Variants in CATSPERG observed in about 807,000 individuals in gnomAD.
CATSPERG encodes the protein catsper channel auxiliary subunit gamma, also known as cation channel sperm-associated auxiliary subunit gamma.
A neutral mutation model predicts 145.0 loss-of-function variants in CATSPERG; 115 were observed. That is an observed-to-expected ratio of 0.79 (90% CI 0.68 to 0.93). The LOEUF (loss-of-function observed/expected upper bound fraction) is 0.93, where lower values mean the gene tolerates loss of function less well. Ranked by LOEUF, CATSPERG falls within the 40% of genes least tolerant of loss-of-function variation. The probability of loss-of-function intolerance (pLI) is 0.00; values close to 1 mark genes in which losing one functional copy is unlikely to be tolerated. For synonymous variants in CATSPERG, 588 were observed against 589.0 expected, an observed-to-expected ratio of 1.00 and a Z score of 0.02; for missense variants, 1,296 against 1,490.1, an observed-to-expected ratio of 0.87 and a Z score of 2.14.
chr19:38,339,731 G>A (rs1447301684), intron 3 of CATSPERG, among the ~76,000 whole-genome samples: 2 of 152,086 alleles, frequency 1.3e-5, no homozygotes, highest in African/African-American at 4.8e-5. Flanking sequence ...TTTTCTTCAA[G>A]AGATTTTTAG....
In CATSPERG at chr19:38,360,528, C is replaced by CTGTT. The variant is rs1335406081; in HGVS notation, c.1649_1652dup (p.Pro552ValfsTer25). The CTGTT allele has an allele frequency of 6.2e-7, 1 of 1,614,204 alleles. No individual in the cohort carries two copies. Among genetic ancestry groups the CTGTT allele is most frequent in the Non-Finnish European group, 8.5e-7 (1 of 1,180,034 alleles). ...GGAGGGCAGCTACCGGGTCTACCAGCTGTTCCCTTCCAAGGGCTGGCAGGT... is the reference window on the plus strand; with the variant it reads ...GGAGGGCAGCTACCGGGTCTACCAGCTGTTTGTTCCCTTCCAAGGGCTGGCAGGT... On this transcript the variant is annotated frameshift_variant, in exon 15 of 29. Transcript: ENST00000409235. LOFTEE classifies it high-confidence loss of function.
At position 38,365,066 on chromosome 19, in the gene CATSPERG, G is replaced by C; in HGVS notation, c.2562G>C (p.Val854=). The change falls in exon 22 of 29, where the codon GTG becomes GTC. Residue 854 remains valine, a synonymous_variant. Coordinates refer to ENST00000409235, the MANE Select transcript of CATSPERG (RefSeq NM_021185.5). ...LMETSMTVNV[V]GSSGLCFQET... is the part of the protein sequence containing the mutation. ...TCACCTGCTCCTACCCACAGGTGGT[G>C]GGTTCATCCGGGCTCTGCTTCCAGG... The C allele has an allele frequency of 6.2e-7, 1 of 1,613,990 alleles. No homozygotes were observed. Among genetic ancestry groups the C allele is most frequent in the South Asian group, 1.1e-5 (1 of 91,078 alleles).
intron 22 of CATSPERG, chr19:38,366,112 T>C (rs1266548935): frequency 6.6e-6 from 1 of 152,342 alleles, no homozygotes; most frequent in Admixed American, 6.5e-5. Flanking sequence ...CCTCATTCAG[T>C]TCTTTGGGTG....
At chr19:38,337,740 A>T in intron 3 of CATSPERG, 94 bp downstream of exon 3, 2 of 1,228,550 alleles carry the variant, frequency 1.6e-6, no homozygotes, top group Non-Finnish European at 2.2e-6. Flanking sequence ...TTTTTTTGAG[A>T]CGGAGTCTTG....
chr19:38,343,162 TAA>T, intron 3 of CATSPERG, among the ~76,000 whole-genome samples: 1 of 151,932 alleles, frequency 6.6e-6, no homozygotes, highest in African/African-American at 2.4e-5. Flanking sequence ...CTGGGCAATC[TAA>T]TTTTTTTTTT....
rs544328812 is a variant in CATSPERG, at chr19:38,368,146, G to A, written c.3020+9G>A. 7.0e-5 allele frequency: 113 copies of A among 1,613,044 alleles called. 1 individual carries two copies. The South Asian group carries it at 1.0e-3, about 14-fold the overall frequency. On this transcript the variant is annotated intron_variant, in intron 26 of 28. Coordinates refer to ENST00000409235, the MANE Select transcript of CATSPERG (RefSeq NM_021185.5). ...GAGAGCCCAGGCATCGAGTGAGTGC[G>A]TAGCCTGGCCCCTCTTGGCCCCCAT...
intron 7 of CATSPERG, among the ~76,000 whole-genome samples, chr19:38,346,849 A>G (rs1195262367): frequency 1.3e-5 from 2 of 152,212 alleles, no homozygotes; most frequent in Non-Finnish European, 2.9e-5. Flanking sequence ...CGGTCTTCAG[A>G]TTCCCATTTG....
chr19:38,367,787 T>C lies in CATSPERG; in HGVS notation c.2930+11T>C, dbSNP rs746920066. 6.2e-7 allele frequency: 1 copy of C among 1,611,872 alleles called. No homozygotes were observed. Among genetic ancestry groups the C allele is most frequent in the South Asian group, 1.1e-5 (1 of 91,024 alleles). On this transcript the variant is annotated intron_variant, in intron 25 of 28. Coordinates refer to ENST00000409235, the MANE Select transcript of CATSPERG (RefSeq NM_021185.5). ...CAGCCCCCTGGACAAGTAATCCCCG[T>C]GGGGTCCCACGTGTAATCCACCTTG...
At chr19:38,354,992 C>A in intron 9 of CATSPERG, 145 bp downstream of exon 9, 2 of 924,498 alleles carry the variant, frequency 2.2e-6, no homozygotes, top group Non-Finnish European at 3.2e-6. Flanking sequence ...TGGAGGGATG[C>A]GTTTGTAGGG....
chr19:38,357,610 C>T (rs534625269), intron 11 of CATSPERG, among the ~76,000 whole-genome samples: 58 of 151,582 alleles, frequency 3.8e-4, no homozygotes, highest in South Asian at 1.0e-3. Context: ...TGAGCTCAGG[C>T]GTTCAAGACC....
At chr19:38,342,040 T>C (rs1253757463) in intron 3 of CATSPERG, among the ~76,000 whole-genome samples, 2 of 148,694 alleles carry the variant, frequency 1.3e-5, no homozygotes, top group Non-Finnish European at 3.0e-5. Flanking sequence ...ATGGCACCAC[T>C]GCACTCCGGA....
At chr19:38,364,116 G>A (rs560862480) in intron 20 of CATSPERG, among the ~76,000 whole-genome samples, 1,759 of 151,774 alleles carry the variant, frequency 0.012, 36 homozygotes, top group African/African-American at 0.04. Flanking sequence ...CCTCCCTCCC[G>A]GACGGGGCGG....
intron 3 of CATSPERG, among the ~76,000 whole-genome samples, chr19:38,343,039 G>C (rs1331205919): frequency 6.6e-6 from 1 of 152,144 alleles, no homozygotes; most frequent in Non-Finnish European, 1.5e-5. Flanking sequence ...GAGGGTGGAA[G>C]CCCACCTCAA....
At chr19:38,345,375 G>A (rs1422690492) in intron 6 of CATSPERG, among the ~76,000 whole-genome samples, 2 of 151,928 alleles carry the variant, frequency 1.3e-5, no homozygotes, top group Non-Finnish European at 2.9e-5. Flanking sequence ...TGTATTTTTA[G>A]TAGAGGCAGG....
At position 38,337,649 on chromosome 19, in the gene CATSPERG, G is replaced by A. The variant is rs139860013; in HGVS notation, c.324+3G>A. On this transcript the variant is annotated splice_donor_region_variant and intron_variant, in intron 3 of 28. Transcript: ENST00000409235. Reference sequence around the variant, plus strand: ...TCAACTACTCCTGCGAGGAAAAGGTGAGTGGGTGCAGCACGGATAGGCTCA... The same window carrying A: ...TCAACTACTCCTGCGAGGAAAAGGTAAGTGGGTGCAGCACGGATAGGCTCA... The A allele has an allele frequency of 9.4e-4, 1,456 of 1,551,584 alleles. 11 individuals carry two copies. The African/African-American group carries it at 0.017, about 18-fold the overall frequency.
rs774551006 is a variant in CATSPERG at position 38,367,721 on chromosome 19, A to G, written c.2875A>G (p.Ser959Gly). ...GGTGGGTGGCGGGCCCACACTGGAC[A>G]GCCTCAAGGACTACAGTGAGGACGA... ...LVVGGGPTLD[S>G]LKDYSEDEIY... is the part of the protein sequence containing the mutation. Residue 959 changes from serine to glycine, a missense_variant, in exon 25 of 29, where the codon AGC becomes GGC. Coordinates refer to ENST00000409235, the MANE Select transcript of CATSPERG (RefSeq NM_021185.5). The G allele has an allele frequency of 2.5e-6, 4 of 1,614,026 alleles. No homozygotes were observed. In the African/African-American group the frequency reaches 5.3e-5, roughly 22 times the overall value.
At chr19:38,357,683 G>A (rs935060576) in intron 11 of CATSPERG, among the ~76,000 whole-genome samples, 3 of 152,310 alleles carry the variant, frequency 2.0e-5, no homozygotes, top group African/African-American at 4.8e-5. Flanking sequence ...CGGGCACGGC[G>A]GCTCACGCCT....
chr19:38,350,882 G>A (rs549757537), intron 7 of CATSPERG, among the ~76,000 whole-genome samples: 7 of 152,198 alleles, frequency 4.6e-5, no homozygotes, highest in South Asian at 2.1e-4. Flanking sequence ...CGAGCTACTC[G>A]GGAGGCTGAG....
intron 1 of CATSPERG, chr19:38,336,727 G>C (rs1969843638): frequency 4.0e-6 from 1 of 252,138 alleles, no homozygotes; most frequent in Non-Finnish European, 8.0e-6. Flanking sequence ...TTAAGAGGGG[G>C]ACTGTCAAAG....
Sources: gnomAD v4.1 joint callset for allele counts (sites outside exome capture counted in the v4.1 genomes callset) on GRCh38, gnomAD v4.1.1 for gene constraint, MANE v1.5 for transcripts, NCBI Gene and HGNC (gene_info 2026-07-23, HGNC 2026-07-21) for gene names.